Variants in LYPLAL1 observed in about 807,000 individuals in gnomAD.
The protein encoded by LYPLAL1 is lysophospholipase like 1.
A neutral mutation model predicts 19.7 loss-of-function variants in LYPLAL1; 23 were observed. That is an observed-to-expected ratio of 1.17 (90% CI 0.84 to 1.65). The LOEUF is 1.65. Among genes scored for constraint, LYPLAL1 ranks in the 40% most tolerant of loss-of-function variants. The probability of loss-of-function intolerance (pLI) is 0.00; values close to 1 mark genes in which losing one functional copy is unlikely to be tolerated. For missense variants in LYPLAL1, 355 were observed against 279.4 expected (o/e 1.27, Z -1.93); for synonymous variants, 119 against 96.3 (o/e 1.24, Z -1.38).
At chr1:219,415,363 C>T in the LYPLAL1 span, among the ~76,000 whole-genome samples, 1 of 152,138 alleles carries the variant, frequency 6.6e-6, no homozygotes, top group East Asian at 1.9e-4. Context: ...GAGATGTTTT[C>T]ATGAAAAGTG....
the LYPLAL1 span, among the ~76,000 whole-genome samples, chr1:219,349,496 T>G: frequency 6.6e-6 from 1 of 152,202 alleles, no homozygotes; most frequent in African/African-American, 2.4e-5. Flanking sequence ...CATCCTCTGA[T>G]AGGGAAAGTT....
At position 219,211,912 on chromosome 1, in the gene LYPLAL1, G is replaced by T; in HGVS notation, c.*184G>T. 2.4e-6 allele frequency: 1 copy of T among 419,374 alleles called. No individual in the cohort carries two copies. The highest frequency in any genetic ancestry group is 6.4e-5 in the South Asian group (1 of 15,652). 26.0% of individuals were successfully genotyped at this position (419,374 alleles called of 1,614,324 possible). ...AATGAAAAACAATAGACAAACATCT[G>T]TGCATAATTTTTCAGACACAATTCT... is the stretch of plus-strand genomic sequence containing the variant. On this transcript the variant is annotated 3_prime_UTR_variant, in exon 5 of 5. Coordinates refer to ENST00000366928, the MANE Select transcript of LYPLAL1 (RefSeq NM_138794.5).
the LYPLAL1 span, among the ~76,000 whole-genome samples, chr1:219,230,382 A>G: frequency 1.3e-5 from 2 of 152,186 alleles, no homozygotes; most frequent in Non-Finnish European, 2.9e-5. Flanking sequence ...AAGTTCTGGG[A>G]TTACAGGCGT....
chr1:219,214,927 T>C (rs564987001), downstream of LYPLAL1, among the ~76,000 whole-genome samples: 2 of 152,056 alleles, frequency 1.3e-5, no homozygotes, highest in African/African-American at 4.8e-5. Flanking sequence ...TGACCTCAAG[T>C]GATCTACCCA....
At chr1:219,202,703 G>T (rs912586999) in intron 3 of LYPLAL1, among the ~76,000 whole-genome samples, 2 of 152,016 alleles carry the variant, frequency 1.3e-5, no homozygotes, top group Non-Finnish European at 2.9e-5. Flanking sequence ...TTTGAAACAG[G>T]GTCTTGCTGT....
the LYPLAL1 span, among the ~76,000 whole-genome samples, chr1:219,354,340 G>T: frequency 6.6e-6 from 1 of 152,146 alleles, no homozygotes; most frequent in Admixed American, 6.5e-5. Flanking sequence ...GGGATTACAG[G>T]CACTCGCCAC....
the LYPLAL1 span, among the ~76,000 whole-genome samples, chr1:219,426,744 G>A: frequency 2.0e-5 from 3 of 152,096 alleles, no homozygotes; most frequent in African/African-American, 7.2e-5. Flanking sequence ...GACCGTAGGT[G>A]CGAGCCACCA....
the LYPLAL1 span, among the ~76,000 whole-genome samples, chr1:219,251,240 G>A: frequency 6.6e-6 from 1 of 151,704 alleles, no homozygotes; most frequent in African/African-American, 2.4e-5. Flanking sequence ...TCTGTTTATG[G>A]ATGGTTTGTT....
chr1:219,297,248 T>G, the LYPLAL1 span, among the ~76,000 whole-genome samples: 7 of 152,246 alleles, frequency 4.6e-5, no homozygotes, highest in African/African-American at 1.7e-4. Context: ...TTGTCCCAGA[T>G]AGATGCTTTT....
chr1:219,301,837 CTTTT>C, the LYPLAL1 span, among the ~76,000 whole-genome samples: 2 of 152,160 alleles, frequency 1.3e-5, no homozygotes, highest in Non-Finnish European at 2.9e-5. Flanking sequence ...AAATGCCTCT[CTTTT>C]TTATCACTTG....
chr1:219,188,481 AGCTC>A (rs1218527989), intron 2 of LYPLAL1, among the ~76,000 whole-genome samples: 1 of 151,772 alleles, frequency 6.6e-6, no homozygotes, highest in Non-Finnish European at 1.5e-5. Context: ...ACTAATAATA[AGCTC>A]GTACTATTTG....
the LYPLAL1 span, among the ~76,000 whole-genome samples, chr1:219,248,319 A>C: frequency 6.6e-6 from 1 of 152,160 alleles, no homozygotes; most frequent in Admixed American, 6.6e-5. Flanking sequence ...AGACTTATGC[A>C]AGAGGATGTT....
At chr1:219,204,493 T>C (rs1204145158) in intron 3 of LYPLAL1, among the ~76,000 whole-genome samples, 7 of 152,230 alleles carry the variant, frequency 4.6e-5, no homozygotes, top group Non-Finnish European at 1.0e-4. Context: ...GAGAAAGGTA[T>C]ATCATTTTTC....
chr1:219,338,284 A>G, the LYPLAL1 span, among the ~76,000 whole-genome samples: 1 of 152,062 alleles, frequency 6.6e-6, no homozygotes, highest in African/African-American at 2.4e-5. Context: ...AACTCCTTAT[A>G]AAACTTGGGA....
At chr1:219,230,212 A>G in the LYPLAL1 span, among the ~76,000 whole-genome samples, 7 of 152,148 alleles carry the variant, frequency 4.6e-5, no homozygotes, top group African/African-American at 1.7e-4. Flanking sequence ...TCCCGGGTTC[A>G]AGCAATTTTC....
chr1:219,283,961 C>G, the LYPLAL1 span, among the ~76,000 whole-genome samples: 1 of 152,116 alleles, frequency 6.6e-6, no homozygotes, highest in African/African-American at 2.4e-5. Context: ...GTGTTCCCAC[C>G]CAAATCTCAT....
the LYPLAL1 span, among the ~76,000 whole-genome samples, chr1:219,328,003 A>T: frequency 3.3e-5 from 5 of 152,152 alleles, no homozygotes; most frequent in Admixed American, 3.3e-4. Flanking sequence ...TTAAACTAAA[A>T]ACTGTTCTTT....
At chr1:219,388,946 T>C in the LYPLAL1 span, among the ~76,000 whole-genome samples, 51 of 152,308 alleles carry the variant, frequency 3.3e-4, no homozygotes, top group Admixed American at 3.3e-3. Flanking sequence ...GATTGTGGAC[T>C]AGAATACACA....
the LYPLAL1 span, among the ~76,000 whole-genome samples, chr1:219,410,710 T>G: frequency 0.8 from 122,443 of 152,246 alleles, 49,696 homozygotes; most frequent in East Asian, 0.92. Flanking sequence ...CTGGAGTTCC[T>G]GGTGGGCGTG....
Sources: gnomAD v4.1 joint callset for allele counts (sites outside exome capture counted in the v4.1 genomes callset) on GRCh38, gnomAD v4.1.1 for gene constraint, MANE v1.5 for transcripts, NCBI Gene and HGNC (gene_info 2026-07-23, HGNC 2026-07-21) for gene names.